GALNT14: variants seen among roughly 807,000 people sequenced by gnomAD.
The protein encoded by GALNT14 is UDP-GalNAc:polypeptide N-acetylgalactosaminyltransferase 14.
In GALNT14, 60 loss-of-function variants were observed where a neutral mutation model predicts 77.5. The observed-to-expected ratio is 0.77, with a 90% CI of 0.63 to 0.96. The LOEUF (loss-of-function observed/expected upper bound fraction) is 0.96, where lower values mean the gene tolerates loss of function less well. Among genes scored for constraint, GALNT14 ranks in the 40% least tolerant of loss-of-function variants. The pLI is 0.00. For synonymous variants in GALNT14, 280 were observed against 281.7 expected (o/e 0.99, Z 0.06); for missense variants, 710 against 731.0 (o/e 0.97, Z 0.33).
At chr2:30,939,190 G>T (rs1666231655) in intron 9 of GALNT14, among the ~76,000 whole-genome samples, 1 of 152,190 alleles carries the variant, frequency 6.6e-6, no homozygotes, top group South Asian at 2.1e-4. Flanking sequence ...GAAGAAGAAA[G>T]AGACAAACAC....
At chr2:31,068,998 C>T (rs1446615064) in intron 1 of GALNT14, among the ~76,000 whole-genome samples, 3 of 152,022 alleles carry the variant, frequency 2.0e-5, no homozygotes, top group African/African-American at 4.8e-5. Context: ...TCACCTGGAG[C>T]GGGGTGGGGC....
chr2:31,045,680 C>T (rs60046439), intron 1 of GALNT14, among the ~76,000 whole-genome samples: 1 of 152,088 alleles, frequency 6.6e-6, no homozygotes, highest in East Asian at 1.9e-4. Context: ...CCAGGCTGGT[C>T]TCGAACTCCT....
intron 1 of GALNT14, among the ~76,000 whole-genome samples, chr2:31,090,251 T>C (rs1676661072): frequency 1.3e-5 from 2 of 152,122 alleles, no homozygotes; most frequent in South Asian, 4.1e-4. Flanking sequence ...CACCCTACTC[T>C]CACCTTCTAG....
chr2:30,967,024 GC>G (rs1463784038), intron 2 of GALNT14, among the ~76,000 whole-genome samples: 1 of 152,184 alleles, frequency 6.6e-6, no homozygotes, highest in Non-Finnish European at 1.5e-5. Context: ...GGCACCAGGG[GC>G]TATCACTGGG....
At chr2:31,059,318 T>C (rs1010594937) in intron 1 of GALNT14, among the ~76,000 whole-genome samples, 1 of 152,168 alleles carries the variant, frequency 6.6e-6, no homozygotes, top group South Asian at 2.1e-4. Context: ...CTAATAGAAA[T>C]AGTCAATGCT....
At chr2:31,082,098 G>A (rs866767226) in intron 1 of GALNT14, among the ~76,000 whole-genome samples, 67 of 152,292 alleles carry the variant, frequency 4.4e-4, no homozygotes, top group African/African-American at 1.6e-3. Flanking sequence ...GGCCAACCAC[G>A]CACCAACTAT....
intron 13 of GALNT14, among the ~76,000 whole-genome samples, chr2:30,920,903 T>C (rs1244784335): frequency 6.6e-6 from 1 of 152,118 alleles, no homozygotes; most frequent in Non-Finnish European, 1.5e-5. Context: ...CTAGGAGTAT[T>C]CTCCCAGCAC....
At chr2:30,904,393 C>T in the GALNT14 span, among the ~76,000 whole-genome samples, 3 of 152,212 alleles carry the variant, frequency 2.0e-5, no homozygotes, top group Non-Finnish European at 4.4e-5. Context: ...CATTGCCTCA[C>T]TTGGGAAGCG....
intron 1 of GALNT14, among the ~76,000 whole-genome samples, chr2:31,096,230 A>C (rs1676998183): frequency 6.6e-6 from 1 of 152,174 alleles, no homozygotes. Context: ...TCAGCTAACT[A>C]GCAACTTAAT....
chr2:30,938,676 G>C (rs962935003), intron 9 of GALNT14, among the ~76,000 whole-genome samples: 16 of 152,210 alleles, frequency 1.1e-4, no homozygotes, highest in African/African-American at 3.6e-4. Context: ...GAGTGTATGA[G>C]ACACGGCTTT....
At chr2:31,001,736 G>T (rs1670379153) in intron 1 of GALNT14, among the ~76,000 whole-genome samples, 1 of 151,824 alleles carries the variant, frequency 6.6e-6, no homozygotes, top group Non-Finnish European at 1.5e-5. Context: ...CAAGGACTCT[G>T]GATACAGGAA....
In GALNT14 at chr2:30,924,783, G is replaced by T; in HGVS notation, c.1192C>A (p.Gln398Lys). ...RLDLRKNLRC[Q>K]SFKWYLENIY... is the part of the protein sequence containing the mutation. ...TTCTCCAGGTACCACTTGAAGCTCTGGCAGCGCAGATTCTTCCTCAGGTCC... is the reference window on the plus strand; with the variant it reads ...TTCTCCAGGTACCACTTGAAGCTCTTGCAGCGCAGATTCTTCCTCAGGTCC... The change falls in exon 12 of 15, where the codon CAG becomes AAG. Residue 398 changes from glutamine (Q) to lysine (K), a missense_variant. Gln to Lys is a moderately conservative substitution (Grantham distance 53). Transcript: ENST00000349752. 2.5e-6 allele frequency: 4 copies of T among 1,614,102 alleles called. No homozygotes were observed. Among genetic ancestry groups the T allele is most frequent in the Non-Finnish European group, 3.4e-6 (4 of 1,180,004 alleles).
chr2:30,900,565 C>T, the GALNT14 span, among the ~76,000 whole-genome samples: 13 of 152,114 alleles, frequency 8.5e-5, no homozygotes, highest in African/African-American at 3.1e-4. Flanking sequence ...AAGATATGGT[C>T]CCACAGCCGG....
At chr2:31,075,250 T>G (rs1302910802) in intron 1 of GALNT14, among the ~76,000 whole-genome samples, 1 of 152,242 alleles carries the variant, frequency 6.6e-6, no homozygotes, top group Non-Finnish European at 1.5e-5. Context: ...CTGAAGTAGA[T>G]GCCAGCACCA....
At chr2:31,032,415 A>G (rs2148482380) in intron 1 of GALNT14, among the ~76,000 whole-genome samples, 1 of 152,352 alleles carries the variant, frequency 6.6e-6, no homozygotes, top group South Asian at 2.1e-4. Flanking sequence ...AGAGCTCCTG[A>G]ATGTCACTGA....
At chr2:31,018,553 G>A (rs7584050) in intron 1 of GALNT14, among the ~76,000 whole-genome samples, 6,356 of 152,260 alleles carry the variant, frequency 0.042, 463 homozygotes, top group African/African-American at 0.15. Context: ...CGTCCCATCA[G>A]GTCTCTCCCT....
rs777137486 is a variant in GALNT14 at position 30,958,467 on chromosome 2, G to A, written c.399-3C>T. On this transcript the variant is annotated splice_region_variant and splice_polypyrimidine_tract_variant and intron_variant, in intron 3 of 14. Transcript: ENST00000349752. ...GCGTAGGGGTGCGGTTTAATACACT[G>A]CAAGATGGAAACAGAAAAAAATCAC... The A allele has an allele frequency of 1.9e-6, 3 of 1,613,314 alleles. No homozygotes were observed. In the South Asian group the frequency reaches 3.3e-5, roughly 18 times the overall value.
rs143788673 is a variant in GALNT14 at position 30,913,634 on chromosome 2, C to T, written c.1381-1292G>A. Among the ~76,000 whole-genome samples the T allele has an allele frequency of 3.5e-3, 530 of 152,296 alleles. 1 individual carries two copies. The highest frequency in any genetic ancestry group is 0.012 in the African/African-American group (507 of 41,552). On this transcript the variant is annotated intron_variant, in intron 13 of 14. Transcript: ENST00000349752. ...CTGAATACGTCCACCTTGAGTCAAC[C>T]TGACTTGCTGTACAATGACGCCTGG... is the stretch of plus-strand genomic sequence containing the variant.
intron 2 of GALNT14, among the ~76,000 whole-genome samples, chr2:30,988,955 G>A (rs1008595177): frequency 3.9e-5 from 6 of 152,178 alleles, no homozygotes; most frequent in South Asian, 2.1e-4. Flanking sequence ...GACTAGCGGC[G>A]TTGGTATGAC....
Sources: allele counts gnomAD v4.1 joint callset (sites outside exome capture counted in the v4.1 genomes callset), GRCh38; gene constraint gnomAD v4.1.1; transcripts MANE v1.5; gene names NCBI Gene and HGNC (gene_info 2026-07-23, HGNC 2026-07-21).